The following PRELID2 variants were observed in gnomAD, a reference collection of about 807,000 sequenced individuals.
PRELID2 encodes the protein PRELI domain containing 2.
A neutral mutation model predicts 28.4 loss-of-function variants in PRELID2; 25 were observed. The observed-to-expected ratio is 0.88, with a 90% CI of 0.64 to 1.23. PRELID2 has a LOEUF of 1.23. Among genes scored for constraint, PRELID2 ranks in the 50% most tolerant of loss-of-function variants. PRELID2 has a pLI of 0.00. For missense variants in PRELID2, 201 were observed against 214.4 expected, an observed-to-expected ratio of 0.94 and a Z score of 0.39; for synonymous variants, 76 against 71.6, an observed-to-expected ratio of 1.06 and a Z score of -0.31.
At chr5:145,434,900 G>A in the PRELID2 span, among the ~76,000 whole-genome samples, 3 of 152,302 alleles carry the variant, frequency 2.0e-5, no homozygotes, top group Admixed American at 6.5e-5. Flanking sequence ...TGCAGTGGGG[G>A]AAGAAGACTC....
chr5:145,557,883 G>A (rs1752894162), intron 1 of PRELID2, among the ~76,000 whole-genome samples: 1 of 152,058 alleles, frequency 6.6e-6, no homozygotes, highest in Non-Finnish European at 1.5e-5. Flanking sequence ...TAAAATTTGG[G>A]ACCAAAATGG....
the PRELID2 span, among the ~76,000 whole-genome samples, chr5:145,337,494 T>G: frequency 6.6e-6 from 1 of 151,534 alleles, no homozygotes; most frequent in Non-Finnish European, 1.5e-5. Context: ...CAGATTCCAT[T>G]CACAAGTTTC....
At chr5:145,435,969 C>T in the PRELID2 span, among the ~76,000 whole-genome samples, 1 of 152,066 alleles carries the variant, frequency 6.6e-6, no homozygotes, top group African/African-American at 2.4e-5. Flanking sequence ...TTCAAGGGTA[C>T]ATGTGCAGGT....
chr5:145,417,610 T>C, the PRELID2 span, among the ~76,000 whole-genome samples: 7 of 152,124 alleles, frequency 4.6e-5, no homozygotes, highest in African/African-American at 1.7e-4. Context: ...AATCAATAAA[T>C]GTGATTCACC....
intron 1 of PRELID2, among the ~76,000 whole-genome samples, chr5:145,704,606 C>T (rs944515832): frequency 1.3e-5 from 2 of 152,130 alleles, no homozygotes; most frequent in Admixed American, 1.3e-4. Context: ...TCTGCCTAAC[C>T]CACAACTGTT....
At chr5:145,661,357 A>T (rs7711332) in intron 1 of PRELID2, among the ~76,000 whole-genome samples, 33,311 of 152,006 alleles carry the variant, frequency 0.22, 6,904 homozygotes, top group African/African-American at 0.54. Context: ...CAAGTCTTAC[A>T]CAACTCTGTG....
Position 145,506,863 on chromosome 5 carries a change from G to A in PRELID2, n.71-33548C>T, listed in dbSNP as rs189647295. 3.5e-3 allele frequency among the ~76,000 whole-genome samples: 528 copies of A among 152,266 alleles called. 3 individuals carry two copies. The highest frequency in any genetic ancestry group is 0.012 in the African/African-American group (504 of 41,554). ...GGTTTCAATGCCACCTCCTCAGAGA[G>A]GCCCTCTATGACCACCTGTGCTCAG... is the stretch of plus-strand genomic sequence containing the variant. On this transcript the variant is annotated intron_variant and non_coding_transcript_variant, in intron 1 of 2. Coordinates refer to the PRELID2 transcript ENST00000510259.
At chr5:145,443,298 C>T in the PRELID2 span, among the ~76,000 whole-genome samples, 264 of 152,126 alleles carry the variant, frequency 1.7e-3, 6 homozygotes, top group East Asian at 0.043. Context: ...CTGTGCTCTG[C>T]TTCATGTTTT....
intron 1 of PRELID2, among the ~76,000 whole-genome samples, chr5:145,494,748 C>T (rs1019853544): frequency 2.6e-5 from 4 of 152,062 alleles, no homozygotes; most frequent in Admixed American, 6.6e-5. Context: ...TTACTTGAGA[C>T]AATTCAAATT....
the PRELID2 span, among the ~76,000 whole-genome samples, chr5:145,417,427 C>G: frequency 6.6e-6 from 1 of 152,072 alleles, no homozygotes; most frequent in African/African-American, 2.4e-5. Flanking sequence ...ATACCAAAAC[C>G]TGGCAGAGAT....
At chr5:145,768,546 C>A (rs1011608181) in intron 5 of PRELID2, among the ~76,000 whole-genome samples, 2 of 152,102 alleles carry the variant, frequency 1.3e-5, no homozygotes, top group East Asian at 1.9e-4. Flanking sequence ...TGTCTTCTTT[C>A]TATTTTCAGG....
chr5:145,827,646 C>G (rs1581293323), intron 1 of PRELID2, among the ~76,000 whole-genome samples: 1 of 152,192 alleles, frequency 6.6e-6, no homozygotes, highest in East Asian at 1.9e-4. Flanking sequence ...TTTGAAAAGA[C>G]AGTTTTTCAT....
At chr5:145,288,108 G>A in the PRELID2 span, among the ~76,000 whole-genome samples, 1 of 152,020 alleles carries the variant, frequency 6.6e-6, no homozygotes, top group Non-Finnish European at 1.5e-5. Flanking sequence ...TCTTCTGGCT[G>A]AGGTACTATT....
chr5:145,600,503 GGTAGAAAA>G (rs1753381220), intron 1 of PRELID2, among the ~76,000 whole-genome samples: 1 of 150,070 alleles, frequency 6.7e-6, no homozygotes, highest in Admixed American at 6.6e-5. Context: ...CCAGTAGCAA[GGTAGAAAA>G]ACTGAATATG....
chr5:145,417,877 G>C, the PRELID2 span, among the ~76,000 whole-genome samples: 1 of 152,134 alleles, frequency 6.6e-6, no homozygotes, highest in Non-Finnish European at 1.5e-5. Context: ...ATTCAACATA[G>C]TATTGGAAGT....
chr5:145,490,138 G>A (rs1188652055), intron 1 of PRELID2, among the ~76,000 whole-genome samples: 1 of 152,158 alleles, frequency 6.6e-6, no homozygotes, highest in Non-Finnish European at 1.5e-5. Context: ...TAGAAATTTT[G>A]TATGATTTGA....
chr5:145,416,099 A>G, the PRELID2 span, among the ~76,000 whole-genome samples: 2 of 152,048 alleles, frequency 1.3e-5, no homozygotes, highest in Admixed American at 1.3e-4. Context: ...GTGTCTGTTC[A>G]TATCCTTCAC....
the PRELID2 span, among the ~76,000 whole-genome samples, chr5:145,310,778 C>T: frequency 6.6e-6 from 1 of 152,054 alleles, no homozygotes; most frequent in African/African-American, 2.4e-5. Flanking sequence ...GCTCACTTTC[C>T]ATGGTTATCA....
chr5:145,359,383 C>G, the PRELID2 span, among the ~76,000 whole-genome samples: 3 of 152,158 alleles, frequency 2.0e-5, no homozygotes, highest in African/African-American at 7.2e-5. Context: ...TCCCTGTTCT[C>G]AATCAGGAAT....
Sources: gnomAD v4.1 joint callset for allele counts (sites outside exome capture counted in the v4.1 genomes callset) on GRCh38, gnomAD v4.1.1 for gene constraint, MANE v1.5 for transcripts, NCBI Gene and HGNC (gene_info 2026-07-23, HGNC 2026-07-21) for gene names.